Variants in SEC14L6 observed in about 807,000 individuals in gnomAD.
The protein encoded by SEC14L6 is SEC14-like protein 6.
Under a neutral mutation model 54.1 loss-of-function variants are expected in SEC14L6, and 40 were observed. The observed-to-expected ratio is 0.74, with a 90% CI of 0.57 to 0.96. The LOEUF (loss-of-function observed/expected upper bound fraction) is 0.96. Ranked by LOEUF, SEC14L6 falls within the 40% of genes least tolerant of loss-of-function variation. The pLI is 0.00. For missense variants in SEC14L6, 471 were observed against 498.3 expected (o/e 0.95, Z 0.52); for synonymous variants, 171 against 198.4 (o/e 0.86, Z 1.16).
chr22:30,535,045 AAAG>A (rs1174532797), intron 2 of SEC14L6, among the ~76,000 whole-genome samples: 3 of 149,582 alleles, frequency 2.0e-5, no homozygotes, highest in Non-Finnish European at 4.5e-5. Context: ...AAGAAAAAAA[AAAG>A]AAAAGAAAAA....
intron 2 of SEC14L6, 67 bp downstream of exon 2, chr22:30,538,760 A>G: frequency 3.7e-6 from 4 of 1,071,072 alleles, no homozygotes; most frequent in Non-Finnish European, 5.6e-6. Flanking sequence ...TGATACACTC[A>G]ATAGATACCA....
chr22:30,544,062 C>T (rs2146305990), intron 1 of SEC14L6: 1 of 1,517,162 alleles, frequency 6.6e-7, no homozygotes, highest in African/African-American at 1.4e-5. Context: ...AGTATGCCAG[C>T]ATCCAGGTCC....
At chr22:30,528,860 C>T (rs957332128) in intron 8 of SEC14L6, among the ~76,000 whole-genome samples, 6 of 152,112 alleles carry the variant, frequency 3.9e-5, no homozygotes, top group Admixed American at 1.3e-4. Context: ...AACCTCAAAT[C>T]GGGATCTCTA....
chr22:30,542,746 T>C, intron 1 of SEC14L6: 1 of 1,580,142 alleles, frequency 6.3e-7, no homozygotes, highest in Admixed American at 1.7e-5. Context: ...CACTGTGACC[T>C]CCCTGAACCC....
chr22:30,533,851 C>T, intron 3 of SEC14L6, 145 bp downstream of exon 3: 1 of 746,536 alleles, frequency 1.3e-6, no homozygotes, highest in Admixed American at 2.5e-5. Context: ...CAGCGCCTAG[C>T]ACCAGGCCAG....
At chr22:30,543,043 A>G (rs954510265) in intron 1 of SEC14L6, 47 of 1,598,976 alleles carry the variant, frequency 2.9e-5, no homozygotes, top group African/African-American at 6.7e-5. Flanking sequence ...CCCCGCAGCG[A>G]GGGCCACACC....
At chr22:30,537,250 C>T (rs979395772) in intron 2 of SEC14L6, among the ~76,000 whole-genome samples, 3 of 152,042 alleles carry the variant, frequency 2.0e-5, no homozygotes, top group African/African-American at 7.2e-5. Context: ...ACAGACAAGA[C>T]CAAAAATCAA....
rs77272765 is a variant in SEC14L6 at position 30,529,870 on chromosome 22, G to A, written c.520-521C>T. Reference sequence around the variant, plus strand: ...GACAATAGTTCAGCTTCAGGAATGAGAGAGACTTTCTTTTAGCATAATATA... The same window carrying A: ...GACAATAGTTCAGCTTCAGGAATGAAAGAGACTTTCTTTTAGCATAATATA... On this transcript the variant is annotated intron_variant, in intron 6 of 11. Transcript: ENST00000402034. Among the ~76,000 whole-genome samples the A allele has an allele frequency of 6.0e-4, 92 of 152,314 alleles. 2 individuals are homozygous for A. The East Asian group carries it at 0.013, about 21-fold the overall frequency.
chr22:30,537,736 C>G (rs1425051999), intron 2 of SEC14L6, among the ~76,000 whole-genome samples: 6 of 152,192 alleles, frequency 3.9e-5, no homozygotes, highest in South Asian at 4.1e-4. Context: ...GTTAACCAAT[C>G]AGTTATCTTT....
At chr22:30,538,425 C>T (rs1034361302) in intron 2 of SEC14L6, among the ~76,000 whole-genome samples, 1 of 152,210 alleles carries the variant, frequency 6.6e-6, no homozygotes, top group Non-Finnish European at 1.5e-5. Context: ...ACCACTTCCT[C>T]CCTGCTCACT....
At chr22:30,534,417 T>A (rs955504552) in intron 2 of SEC14L6, among the ~76,000 whole-genome samples, 7 of 150,794 alleles carry the variant, frequency 4.6e-5, no homozygotes, top group African/African-American at 1.5e-4. Context: ...AAAAAAAATT[T>A]TTTTTTTTTT....
intron 2 of SEC14L6, among the ~76,000 whole-genome samples, chr22:30,534,505 G>A (rs557266299): frequency 6.6e-6 from 1 of 151,552 alleles, no homozygotes; most frequent in East Asian, 2.0e-4. Context: ...TCTGCCTCCC[G>A]GGTTCAAGTG....
At chr22:30,532,112 G>A (rs1300513637) in intron 5 of SEC14L6, 114 bp from the exon 6 acceptor site, 2 of 1,453,218 alleles carry the variant, frequency 1.4e-6, no homozygotes, top group African/African-American at 1.5e-5. Context: ...GCTCTGCATG[G>A]CACAGAGATG....
At position 30,532,695 on chromosome 22, in the gene SEC14L6, C is replaced by T. The variant is rs1207789650; in HGVS notation, c.253G>A (p.Ala85Thr). Reference protein sequence around the residue: ...QPPEVVRLYNANGICGHDGEG... With the variant: ...QPPEVVRLYNTNGICGHDGEG... ...CCGTCGTGGCCGCATATGCCGTTAG[C>T]GTTGTACAGCCTGACCACCTGGATG... The change falls in exon 5 of 12, where the codon GCT becomes ACT. Residue 85 changes from alanine to threonine, a missense_variant. By Grantham distance (58) the Ala-to-Thr change is moderately conservative. Coordinates refer to ENST00000402034, the MANE Select transcript of SEC14L6 (RefSeq NM_001193336.4). 5 of 1,560,328 alleles carry T rather than the reference C, an allele frequency of 3.2e-6. No individual in the cohort carries two copies. The highest frequency in any genetic ancestry group is 4.3e-6 in the Non-Finnish European group (5 of 1,152,164).
At chr22:30,542,409 G>A (rs2085735413) in intron 1 of SEC14L6, 1 of 426,594 alleles carries the variant, frequency 2.3e-6, no homozygotes, top group East Asian at 3.8e-5. Context: ...GGGGAGGTCG[G>A]CCGCAACTTC....
At chr22:30,528,008 G>C (rs145049004) in intron 8 of SEC14L6, among the ~76,000 whole-genome samples, 2 of 151,646 alleles carry the variant, frequency 1.3e-5, no homozygotes, top group Non-Finnish European at 2.9e-5. Flanking sequence ...GAAAAAGATA[G>C]TGTTAATTGT....
chr22:30,542,641 G>T, intron 1 of SEC14L6: 1 of 1,545,738 alleles, frequency 6.5e-7, no homozygotes, highest in Non-Finnish European at 8.7e-7. Context: ...CGCGTCCTGC[G>T]CCTGGTCAGG....
intron 8 of SEC14L6, among the ~76,000 whole-genome samples, chr22:30,526,751 G>A (rs1345499325): frequency 1.3e-5 from 2 of 151,858 alleles, no homozygotes; most frequent in Non-Finnish European, 2.9e-5. Flanking sequence ...ATAACACTAA[G>A]TCAAAAATTA....
chr22:30,534,406 T>TA (rs1439903533), intron 2 of SEC14L6, among the ~76,000 whole-genome samples: 1 of 129,990 alleles, frequency 7.7e-6, no homozygotes, highest in East Asian at 2.1e-4. Flanking sequence ...AATTTTTACT[T>TA]AAAAAAAATT....
Sources: gnomAD v4.1 joint callset for allele counts (sites outside exome capture counted in the v4.1 genomes callset) on GRCh38, gnomAD v4.1.1 for gene constraint, MANE v1.5 for transcripts, NCBI Gene and HGNC (gene_info 2026-07-23, HGNC 2026-07-21) for gene names.